Variants in PRKAG2 observed in about 807,000 individuals in gnomAD.
PRKAG2 encodes the protein protein kinase AMP-activated non-catalytic subunit gamma 2.
In PRKAG2, 26 loss-of-function variants were observed where a neutral mutation model predicts 69.6. The observed-to-expected ratio is 0.37, with a 90% confidence interval of 0.27 to 0.52. The LOEUF (loss-of-function observed/expected upper bound fraction) is 0.52. Ranked by LOEUF, PRKAG2 falls within the 20% of genes least tolerant of loss-of-function variation. PRKAG2 has a pLI of 0.90. For synonymous variants in PRKAG2, 293 were observed against 285.0 expected, an observed-to-expected ratio of 1.03 and a Z score of -0.28; for missense variants, 557 against 740.0, an observed-to-expected ratio of 0.75 and a Z score of 2.87.
At chr7:151,724,123 T>G (rs912533441) in intron 3 of PRKAG2, among the ~76,000 whole-genome samples, 4 of 152,178 alleles carry the variant, frequency 2.6e-5, no homozygotes, top group African/African-American at 9.6e-5. Context: ...ATAGAAGCCC[T>G]GGGTCCGGGG....
At chr7:151,751,500 ATTATTTATTTAT>A (rs111268091) in intron 3 of PRKAG2, among the ~76,000 whole-genome samples, 2 of 150,120 alleles carry the variant, frequency 1.3e-5, no homozygotes, top group Non-Finnish European at 3.0e-5. Flanking sequence ...TACTCTATTT[ATTATTTATTTAT>A]TTATTTATTT....
In PRKAG2 at chr7:151,612,253, C is replaced by T. The variant is rs529132459; in HGVS notation, c.755-16799G>A. Among the ~76,000 whole-genome samples the T allele has an allele frequency of 3.3e-5, 5 of 152,308 alleles. No homozygotes were observed. The East Asian group carries it at 5.8e-4, about 18-fold the overall frequency. On this transcript the variant is annotated intron_variant, in intron 5 of 15. Coordinates refer to ENST00000287878, the MANE Select transcript of PRKAG2 (RefSeq NM_016203.4). ...TGAACCTGCCCGCAGGTTTGGGAGC[C>T]GCTGAGTGCACTGCAGAGTGAGCGT... is the stretch of plus-strand genomic sequence containing the variant.
At chr7:151,760,453 C>T (rs771680961) in intron 3 of PRKAG2, among the ~76,000 whole-genome samples, 3 of 152,106 alleles carry the variant, frequency 2.0e-5, no homozygotes, top group Non-Finnish European at 2.9e-5. Flanking sequence ...AGGCTGGTCT[C>T]GAACTCATTA....
At chr7:151,839,434 A>G (rs2079225125) in intron 1 of PRKAG2, among the ~76,000 whole-genome samples, 1 of 152,152 alleles carries the variant, frequency 6.6e-6, no homozygotes, top group East Asian at 1.9e-4. Flanking sequence ...CCCCACCTAG[A>G]CAAGGATGAT....
Position 151,850,133 on chromosome 7 carries a change from G to A in PRKAG2, c.114+26374C>T, listed in dbSNP as rs1405870789. 6.6e-6 allele frequency among the ~76,000 whole-genome samples: 1 copy of A among 152,158 alleles called. No individual in the cohort carries two copies. On this transcript the variant is annotated intron_variant, in intron 1 of 15. Transcript: ENST00000287878. The surrounding 1 kb of genome is among the most constrained non-coding windows in gnomAD (Gnocchi z 4.1). ...GGGCCGTGCACACAGGTGGCTCAGT[G>A]TCTGCAGAAAGAAGCGGGAGGGGGG...
At chr7:151,824,424 G>A (rs1269326283) in intron 1 of PRKAG2, among the ~76,000 whole-genome samples, 1 of 152,112 alleles carries the variant, frequency 6.6e-6, no homozygotes, top group African/African-American at 2.4e-5. Flanking sequence ...GATAGTTGCC[G>A]GAACTCCTAA....
chr7:151,742,936 T>C (rs2074003253), intron 3 of PRKAG2, among the ~76,000 whole-genome samples: 1 of 152,320 alleles, frequency 6.6e-6, no homozygotes, highest in East Asian at 1.9e-4. Context: ...TTGGGAGAGA[T>C]GGCGCCTTCC....
At chr7:151,586,293 C>T (rs559859591) in intron 6 of PRKAG2, among the ~76,000 whole-genome samples, 5 of 151,530 alleles carry the variant, frequency 3.3e-5, no homozygotes, top group South Asian at 2.1e-4. Context: ...CGGCCGTCTA[C>T]GCAACAGCCA....
intron 3 of PRKAG2, among the ~76,000 whole-genome samples, chr7:151,750,879 CA>C (rs147013522): frequency 0.046 from 5,792 of 125,354 alleles, 114 homozygotes; most frequent in South Asian, 0.07. Context: ...ACCCTGTCTC[CA>C]AAAAAAAAAA....
rs567814726 is a variant in PRKAG2 at position 151,615,238 on chromosome 7, T to C, written c.754+16831A>G. Among the ~76,000 whole-genome samples the C allele has an allele frequency of 6.6e-5, 10 of 152,358 alleles. No individual in the cohort carries two copies. In the South Asian group the frequency reaches 1.7e-3, roughly 25 times the overall value. On this transcript the variant is annotated intron_variant, in intron 5 of 15. Transcript: ENST00000287878. Reference sequence around the variant, plus strand: ...TTTTTTATGCCTATATAGTATTCCATGGTGTATATGTACCACATTTTCTTT... The same window carrying C: ...TTTTTTATGCCTATATAGTATTCCACGGTGTATATGTACCACATTTTCTTT...
chr7:151,655,375 C>G (rs936852752), intron 4 of PRKAG2, among the ~76,000 whole-genome samples: 16 of 152,204 alleles, frequency 1.1e-4, no homozygotes, highest in African/African-American at 3.9e-4. Flanking sequence ...TGGACCCTAA[C>G]ACAGCCCATG....
At chr7:151,589,228 T>C (rs1563200204) in intron 6 of PRKAG2, among the ~76,000 whole-genome samples, 1 of 152,186 alleles carries the variant, frequency 6.6e-6, no homozygotes. Flanking sequence ...AGCGGCTGAA[T>C]ACAGTTTGTT....
chr7:151,655,417 G>A (rs543789204), intron 4 of PRKAG2, among the ~76,000 whole-genome samples: 37 of 152,132 alleles, frequency 2.4e-4, no homozygotes, highest in Admixed American at 1.4e-3. Flanking sequence ...TAGCACCCTG[G>A]GCAAGAAGCC....
intron 8 of PRKAG2, among the ~76,000 whole-genome samples, chr7:151,573,553 A>G (rs1270943192): frequency 1.3e-5 from 2 of 151,912 alleles, no homozygotes; most frequent in African/African-American, 4.8e-5. Flanking sequence ...TTTTGATTTC[A>G]TATTCTACTG....
chr7:151,805,773 C>A (rs1287218996), intron 1 of PRKAG2, among the ~76,000 whole-genome samples: 1 of 152,236 alleles, frequency 6.6e-6, no homozygotes, highest in Non-Finnish European at 1.5e-5. Flanking sequence ...ATTCTTCCTT[C>A]TCAGAGCTTT....
In PRKAG2 at chr7:151,632,477, G is replaced by T; in HGVS notation, c.685-339C>A. 3.9e-6 allele frequency: 3 copies of T among 772,814 alleles called. No individual in the cohort carries two copies. The highest frequency in any genetic ancestry group is 4.7e-6 in the Non-Finnish European group (3 of 636,462). 47.9% of individuals were successfully genotyped at this position (772,814 alleles called of 1,614,324 possible). A position where few individuals can be genotyped will look rare whatever the true frequency, so the allele number is the denominator to read the frequency against. ...GGGCGGCAGCGCCTGGGCCCGGGGCGCCCCCCTCCGGCCGTGGCCCGCGTC... is the reference window on the plus strand; with the variant it reads ...GGGCGGCAGCGCCTGGGCCCGGGGCTCCCCCCTCCGGCCGTGGCCCGCGTC... On this transcript the variant is annotated intron_variant, in intron 4 of 15. Transcript: ENST00000287878. The surrounding 1 kb of genome is among the most constrained non-coding windows in gnomAD (Gnocchi z 4.2).
chr7:151,794,864 G>A (rs746189336), intron 1 of PRKAG2, among the ~76,000 whole-genome samples: 22 of 152,170 alleles, frequency 1.4e-4, no homozygotes, highest in Non-Finnish European at 2.2e-4. Flanking sequence ...TGCCCACTCC[G>A]GGCAGCCTTT....
intron 4 of PRKAG2, among the ~76,000 whole-genome samples, chr7:151,672,474 A>G (rs1255247715): frequency 6.6e-6 from 1 of 151,808 alleles, no homozygotes; most frequent in African/African-American, 2.4e-5. Flanking sequence ...ACCACCATTC[A>G]TTGCCCCAAC....
chr7:151,697,528 G>T (rs1054394950), intron 3 of PRKAG2, among the ~76,000 whole-genome samples: 6 of 152,136 alleles, frequency 3.9e-5, no homozygotes, highest in Non-Finnish European at 8.8e-5. Context: ...AAGCCCCGGA[G>T]CCCCTGGTCC....
Sources: allele counts gnomAD v4.1 joint callset (sites outside exome capture counted in the v4.1 genomes callset), GRCh38; gene constraint gnomAD v4.1.1; non-coding constraint Gnocchi (gnomAD v3.1); transcripts MANE v1.5; gene names NCBI Gene and HGNC (gene_info 2026-07-23, HGNC 2026-07-21).